Variants in CSMD1 observed in about 807,000 individuals in gnomAD.
CSMD1 encodes the protein CUB and Sushi multiple domains 1, also known as CUB and sushi domain-containing protein 1.
CSMD1 carries 213 observed loss-of-function variants against 417.5 expected under a neutral mutation model. That is an observed-to-expected ratio of 0.51 (90% CI 0.46 to 0.57). CSMD1 has a LOEUF of 0.57. Ranked by LOEUF, CSMD1 falls within the 20% of genes least tolerant of loss-of-function variation. CSMD1 has a pLI of 0.00. For missense variants in CSMD1, 6,923 were observed against 4,529.7 expected (o/e 1.53, Z -15.17); for synonymous variants, 2,862 against 1,736.8 (o/e 1.65, Z -16.11).
At chr8:3,004,784 T>C (rs1239130815) in intron 52 of CSMD1, among the ~76,000 whole-genome samples, 1 of 152,188 alleles carries the variant, frequency 6.6e-6, no homozygotes, top group Non-Finnish European at 1.5e-5. Context: ...GAACCAAGAA[T>C]GAAATGGTCT....
At chr8:4,709,331 C>T (rs1043026502) in intron 1 of CSMD1, among the ~76,000 whole-genome samples, 2 of 152,152 alleles carry the variant, frequency 1.3e-5, no homozygotes, top group Non-Finnish European at 2.9e-5. Context: ...CCTGAGGCCT[C>T]TGTGTTGGAT....
chr8:3,933,144 T>C (rs1329528300), intron 5 of CSMD1, among the ~76,000 whole-genome samples: 1 of 136,460 alleles, frequency 7.3e-6, no homozygotes, highest in Non-Finnish European at 1.6e-5. Flanking sequence ...ACCAATGTAA[T>C]ACATTTATCT....
chr8:3,592,504 C>A (rs1800894506), intron 8 of CSMD1, among the ~76,000 whole-genome samples: 2 of 152,052 alleles, frequency 1.3e-5, no homozygotes, highest in African/African-American at 4.8e-5. Flanking sequence ...CATATTTGTC[C>A]TTGTAAAATG....
chr8:3,606,943 C>G (rs1161964455), intron 8 of CSMD1, among the ~76,000 whole-genome samples: 1 of 152,112 alleles, frequency 6.6e-6, no homozygotes, highest in Non-Finnish European at 1.5e-5. Context: ...ATCTCTTAAT[C>G]TCATGATCTG....
intron 6 of CSMD1, among the ~76,000 whole-genome samples, chr8:3,718,116 G>C (rs147509381): frequency 1.3e-5 from 2 of 152,150 alleles, no homozygotes; most frequent in Non-Finnish European, 2.9e-5. Context: ...AAAATAATGC[G>C]CTATTGGATC....
chr8:4,773,933 C>A lies in CSMD1; in HGVS notation c.86-136375G>T, dbSNP rs147640409. The stretch of plus-strand genomic sequence containing the variant: ...ACTCTTGGCTGGGTGCAGTGGCTCA[C>A]GCCTGAAATCTCAGCACTTTTTGAG... On this transcript the variant is annotated intron_variant, in intron 1 of 69. Coordinates refer to ENST00000635120, the MANE Select transcript of CSMD1 (RefSeq NM_033225.6). 5.0e-3 allele frequency among the ~76,000 whole-genome samples: 768 copies of A among 152,330 alleles called. 4 individuals carry two copies. The highest frequency in any genetic ancestry group is 0.013 in the South Asian group (61 of 4,826).
At chr8:4,299,147 C>T (rs948278758) in intron 3 of CSMD1, among the ~76,000 whole-genome samples, 1 of 152,032 alleles carries the variant, frequency 6.6e-6, no homozygotes, top group African/African-American at 2.4e-5. Flanking sequence ...CAAAACAGAT[C>T]GTGCTTTTCT....
At chr8:3,113,676 G>C (rs1816676195) in intron 42 of CSMD1, among the ~76,000 whole-genome samples, 1 of 152,096 alleles carries the variant, frequency 6.6e-6, no homozygotes, top group South Asian at 2.1e-4. Flanking sequence ...CCTGAGAAGT[G>C]GGAAGGGGGT....
intron 1 of CSMD1, among the ~76,000 whole-genome samples, chr8:4,921,140 G>A (rs7464173): frequency 6.6e-6 from 1 of 151,462 alleles, no homozygotes; most frequent in African/African-American, 2.4e-5. Flanking sequence ...GTAAAAGAAA[G>A]AAAGAAATTA....
intron 3 of CSMD1, among the ~76,000 whole-genome samples, chr8:4,218,993 A>C (rs1006914228): frequency 5.3e-5 from 8 of 152,158 alleles, no homozygotes; most frequent in Non-Finnish European, 1.2e-4. Context: ...GTGTACAGCA[A>C]TTACACAAAT....
intron 1 of CSMD1, among the ~76,000 whole-genome samples, chr8:4,909,238 T>C (rs764738299): frequency 2.0e-5 from 3 of 152,202 alleles, no homozygotes; most frequent in East Asian, 3.9e-4. Flanking sequence ...GAGTGTTTTA[T>C]AACCTTCCTA....
chr8:3,625,195 G>T (rs549625317), intron 7 of CSMD1, among the ~76,000 whole-genome samples: 40 of 152,040 alleles, frequency 2.6e-4, no homozygotes, highest in Non-Finnish European at 5.4e-4. Context: ...AATAAGAATT[G>T]TTGACACTTG....
At chr8:4,049,101 C>G (rs796469889) in intron 3 of CSMD1, among the ~76,000 whole-genome samples, 4 of 152,238 alleles carry the variant, frequency 2.6e-5, no homozygotes, top group African/African-American at 9.6e-5. Context: ...TTCTATCCTG[C>G]TCTCTCCACA....
chr8:3,890,237 C>A (rs1337646600), intron 5 of CSMD1, among the ~76,000 whole-genome samples: 1 of 152,066 alleles, frequency 6.6e-6, no homozygotes, highest in Non-Finnish European at 1.5e-5. Context: ...AAGAAATATT[C>A]TTGTTGTTCA....
In CSMD1 at chr8:3,106,592, G is replaced by A. The variant is rs768859739; in HGVS notation, c.6885C>T (p.Thr2295=). 3.7e-6 allele frequency: 6 copies of A among 1,613,664 alleles called. No individual in the cohort carries two copies. The highest frequency in any genetic ancestry group is 1.7e-5 in the Admixed American group (1 of 59,990). The part of the protein sequence containing the change: ...QCHPGYTLVG[T]DILTCKLSSQ... The stretch of plus-strand genomic sequence containing the variant: ...AACTGAGCTTGCAAGTCAGAATGTC[G>A]GTCCCCACCAAGGTGTACCCGGGGT... Residue 2295 remains threonine (T), a synonymous_variant, in exon 46 of 70, where the codon ACC becomes ACT. Transcript: ENST00000635120.
At chr8:4,982,204 C>G (rs561360437) in intron 1 of CSMD1, among the ~76,000 whole-genome samples, 1 of 152,296 alleles carries the variant, frequency 6.6e-6, no homozygotes, top group African/African-American at 2.4e-5. Flanking sequence ...CCCACGGAAA[C>G]TATCAGGTAA....
chr8:4,767,611 C>T lies in CSMD1; in HGVS notation c.86-130053G>A, dbSNP rs555167931. On this transcript the variant is annotated intron_variant, in intron 1 of 69. Transcript: ENST00000635120. ...TCAACACAGTCCTCCCTAGGACCTG[C>T]GACCTGCTATTACTTTAAGCTTCTT... 3.9e-5 allele frequency among the ~76,000 whole-genome samples: 6 copies of T among 152,252 alleles called. No individual in the cohort carries two copies. In the South Asian group the frequency reaches 6.2e-4, roughly 16 times the overall value.
intron 3 of CSMD1, among the ~76,000 whole-genome samples, chr8:4,135,472 T>G (rs910043464): frequency 6.6e-5 from 10 of 151,678 alleles, no homozygotes; most frequent in Non-Finnish European, 1.5e-4. Context: ...GAATATAACT[T>G]ACACACTAAA....
At chr8:4,484,525 C>G (rs1801266330) in intron 2 of CSMD1, among the ~76,000 whole-genome samples, 1 of 152,072 alleles carries the variant, frequency 6.6e-6, no homozygotes, top group Admixed American at 6.6e-5. Flanking sequence ...GTAAGTCCAT[C>G]TCACAACACC....
Sources: gnomAD v4.1 joint callset for allele counts (sites outside exome capture counted in the v4.1 genomes callset) on GRCh38, gnomAD v4.1.1 for gene constraint, MANE v1.5 for transcripts, NCBI Gene and HGNC (gene_info 2026-07-23, HGNC 2026-07-21) for gene names.